LDAF1: variants seen among roughly 807,000 people sequenced by gnomAD.
The protein encoded by LDAF1 is PROMETHIN.
LDAF1 carries 7 observed loss-of-function variants against 13.5 expected under a neutral mutation model. The observed-to-expected ratio is 0.52, with a 90% confidence interval of 0.29 to 0.97. The LOEUF is 0.97. LDAF1 is among the 50% of genes least tolerant of loss of function. LDAF1 has a pLI of 0.07. For synonymous variants in LDAF1, 69 were observed against 77.1 expected, an observed-to-expected ratio of 0.89 and a Z score of 0.55; for missense variants, 148 against 193.2, an observed-to-expected ratio of 0.77 and a Z score of 1.39.
At chr16:21,172,753 T>A in intron 3 of LDAF1, 1 of 768,164 alleles carries the variant, frequency 1.3e-6, no homozygotes. Context: ...TGCACCTGAT[T>A]CTGATGCAGG....
At chr16:21,159,766 ACTCT>A in intron 1 of LDAF1, 1 of 233,692 alleles carries the variant, frequency 4.3e-6, no homozygotes, top group Non-Finnish European at 7.0e-6. Flanking sequence ...CGCCCCACGC[ACTCT>A]CTCATCGGAC....
At chr16:21,175,695 G>A (rs746733058) in intron 4 of LDAF1, among the ~76,000 whole-genome samples, 1 of 152,144 alleles carries the variant, frequency 6.6e-6, no homozygotes, top group Non-Finnish European at 1.5e-5. Context: ...TATAAGAACT[G>A]ATATCCTGAG....
intron 2 of LDAF1, among the ~76,000 whole-genome samples, chr16:21,166,498 G>C (rs2093025353): frequency 6.6e-6 from 1 of 152,224 alleles, no homozygotes; most frequent in South Asian, 2.1e-4. Context: ...AGCATTTCAA[G>C]TGCTGAATGG....
At chr16:21,175,308 C>T (rs1374627386) in intron 4 of LDAF1, among the ~76,000 whole-genome samples, 2 of 152,116 alleles carry the variant, frequency 1.3e-5, no homozygotes, top group African/African-American at 2.4e-5. Flanking sequence ...CAATTTAGCC[C>T]CTTTCTATTA....
intron 2 of LDAF1, chr16:21,166,918 C>G (rs575569387): frequency 1.0e-5 from 16 of 1,535,346 alleles, no homozygotes; most frequent in Admixed American, 2.0e-5. Context: ...CAAGGTGATT[C>G]CTGCTACAGT....
Position 21,174,042 on chromosome 16 carries a change from C to T in LDAF1, c.298C>T (p.Leu100Phe), listed in dbSNP as rs1023552164. 3.1e-6 allele frequency: 5 copies of T among 1,614,044 alleles called. No individual in the cohort carries two copies. Among genetic ancestry groups the T allele is most frequent in the Non-Finnish European group, 3.4e-6 (4 of 1,179,974 alleles). ...LVISVGGFSL[L>F]CILCGLGFVS... ...CATCTCTGTGGGTGGCTTCTCACTGCTCTGCATCCTCTGTGGTTTGGGCTT... is the reference window on the plus strand; with the variant it reads ...CATCTCTGTGGGTGGCTTCTCACTGTTCTGCATCCTCTGTGGTTTGGGCTT... The change falls in exon 4 of 5, where the codon CTC becomes TTC. Residue 100 changes from leucine (L) to phenylalanine (F), a missense_variant. Leu to Phe is a conservative substitution (Grantham distance 22). Transcript: ENST00000233047.
chr16:21,158,907 C>A (rs1188263476), intron 1 of LDAF1, among the ~76,000 whole-genome samples, 161 bp downstream of exon 1: 2 of 152,040 alleles, frequency 1.3e-5, no homozygotes, highest in African/African-American at 4.8e-5. Flanking sequence ...TAAGGGGCGT[C>A]TCCTGCTTAT....
intron 2 of LDAF1, among the ~76,000 whole-genome samples, chr16:21,167,898 C>T (rs1302693502): frequency 4.8e-4 from 72 of 148,510 alleles, no homozygotes; most frequent in Admixed American, 4.6e-3. Flanking sequence ...CCCAGCTACT[C>T]GGGAGGCTGA....
chr16:21,165,193 G>T (rs1345762807), intron 2 of LDAF1, among the ~76,000 whole-genome samples: 2 of 152,214 alleles, frequency 1.3e-5, no homozygotes, highest in African/African-American at 4.8e-5. Context: ...GGGCATGGTG[G>T]CTGATGCTTA....
At chr16:21,170,371 G>A (rs1237110465) in intron 2 of LDAF1, 66 bp from the exon 3 acceptor site, 21 of 1,599,544 alleles carry the variant, frequency 1.3e-5, no homozygotes, top group Non-Finnish European at 2.6e-6. Context: ...CACAGCTTGG[G>A]CAGATTCATT....
At chr16:21,172,308 A>G (rs564760911) in intron 3 of LDAF1, among the ~76,000 whole-genome samples, 1 of 152,066 alleles carries the variant, frequency 6.6e-6, no homozygotes, top group Admixed American at 6.6e-5. Flanking sequence ...TTAGCCGGGC[A>G]TGGTGGTGGG....
chr16:21,179,306 C>A (rs1004631238), intron 4 of LDAF1, 169 bp from the exon 5 acceptor site: 1 of 972,800 alleles, frequency 1.0e-6, no homozygotes, highest in Non-Finnish European at 1.2e-6. Flanking sequence ...TCATTTTAAC[C>A]TCCTGTGCCC....
intron 3 of LDAF1, among the ~76,000 whole-genome samples, chr16:21,171,113 A>G (rs1184966245): frequency 6.6e-6 from 1 of 152,190 alleles, no homozygotes; most frequent in Middle Eastern, 3.2e-3. Context: ...TTCATTCCAC[A>G]GTGAGTTATT....
At position 21,174,134 on chromosome 16, in the gene LDAF1, C is replaced by G. The variant is rs2093117502; in HGVS notation, c.390C>G (p.Cys130Trp). The change falls in exon 4 of 5, where the codon TGC becomes TGG. Residue 130 changes from cysteine (C) to tryptophan (W), a missense_variant. Coordinates refer to ENST00000233047, the MANE Select transcript of LDAF1 (RefSeq NM_001301771.2). ...TAGTGGTCTCCAGCCTCATCAGCTG[C>G]TGGTTTTCTCCCAGGTAAATACATG... is the stretch of plus-strand genomic sequence containing the variant. ...SYVVVSSLIS[C>W]WFSPRPLTQQ... The G allele has an allele frequency of 6.2e-7, 1 of 1,608,538 alleles. No homozygotes were observed. The highest frequency in any genetic ancestry group is 8.5e-7 in the Non-Finnish European group (1 of 1,178,582).
intron 3 of LDAF1, among the ~76,000 whole-genome samples, chr16:21,171,934 C>T (rs1425547171): frequency 6.6e-6 from 1 of 151,760 alleles, no homozygotes; most frequent in African/African-American, 2.4e-5. Flanking sequence ...GATAGGGTTT[C>T]GCCATGTTGG....
intron 1 of LDAF1, chr16:21,159,875 T>G: frequency 1.0e-6 from 1 of 976,206 alleles, no homozygotes; most frequent in Non-Finnish European, 1.2e-6. Context: ...AGAGATGAGA[T>G]TATGGGAACT....
chr16:21,164,546 C>T (rs2093006595), intron 2 of LDAF1, among the ~76,000 whole-genome samples: 1 of 152,240 alleles, frequency 6.6e-6, no homozygotes, highest in Non-Finnish European at 1.5e-5. Flanking sequence ...CCACCATGCC[C>T]AGCTGCCATC....
intron 3 of LDAF1, among the ~76,000 whole-genome samples, chr16:21,172,106 A>G (rs1015328174): frequency 5.3e-5 from 8 of 151,726 alleles, no homozygotes; most frequent in African/African-American, 1.9e-4. Flanking sequence ...CCAGGAGTTC[A>G]AGACCACTCT....
At chr16:21,170,327 CCTTCTGGCTTTACGA>C in intron 2 of LDAF1, 95 bp from the exon 3 acceptor site, 1 of 1,559,254 alleles carries the variant, frequency 6.4e-7, no homozygotes, top group South Asian at 1.2e-5. Context: ...AATGCATAAG[CCTTCTGGCTTTACGA>C]CTTCTGCCTT....
Sources: gnomAD v4.1 joint callset for allele counts (sites outside exome capture counted in the v4.1 genomes callset) on GRCh38, gnomAD v4.1.1 for gene constraint, MANE v1.5 for transcripts, NCBI Gene and HGNC (gene_info 2026-07-23, HGNC 2026-07-21) for gene names.